Variants in CHPT1 observed in about 807,000 individuals in gnomAD.
CHPT1 encodes cholinephosphotransferase 1.
CHPT1 carries 36 observed loss-of-function variants against 47.6 expected under a neutral mutation model. The ratio of observed to expected loss-of-function variants is 0.76; its 90% CI spans 0.58 to 1.00. The LOEUF (loss-of-function observed/expected upper bound fraction) is 1.00. Ranked by LOEUF, CHPT1 falls within the 50% of genes least tolerant of loss-of-function variation. The pLI, the probability that CHPT1 is intolerant of heterozygous loss-of-function variation, is 0.00. For missense variants in CHPT1, 458 were observed against 498.1 expected, an observed-to-expected ratio of 0.92 and a Z score of 0.77; for synonymous variants, 194 against 186.3, an observed-to-expected ratio of 1.04 and a Z score of -0.33.
intron 1 of CHPT1, among the ~76,000 whole-genome samples, chr12:101,705,088 T>C (rs1407562316): frequency 8.2e-6 from 1 of 122,668 alleles, no homozygotes; most frequent in Non-Finnish European, 1.6e-5. Flanking sequence ...ATTGCTTTTT[T>C]GTTTTGTTTG....
intron 8 of CHPT1, chr12:101,727,086 G>A (rs1951965854): frequency 6.6e-6 from 1 of 152,122 alleles, no homozygotes; most frequent in South Asian, 2.1e-4. Flanking sequence ...GATATTTTGA[G>A]TTAAAATTTC....
chr12:101,728,788 AAGGGAGGTCTTACAATG>A, intron 8 of CHPT1, 96 bp from the exon 9 acceptor site: 1 of 1,222,344 alleles, frequency 8.2e-7, no homozygotes, highest in South Asian at 1.4e-5. Context: ...ACTTAACAGA[AAGGGAGGTCTTACAATG>A]AAACAGGTTT....
Position 101,723,814 on chromosome 12 carries a change from T to C in CHPT1, c.1032T>C (p.Phe344=), listed in dbSNP as rs746714890. Reference sequence around the variant, plus strand: ...TTTTAGACCAGTACTTTAATAACTTTATAGACGAATATGTTGTTCTATGGA... The same window carrying C: ...TTTTAGACCAGTACTTTAATAACTTCATAGACGAATATGTTGTTCTATGGA... ...LLFLDQYFNN[F]IDEYVVLWMA... Residue 344 remains phenylalanine, a synonymous_variant, in exon 7 of 9, where the codon TTT becomes TTC. Transcript: ENST00000229266. 3.9e-6 allele frequency: 6 copies of C among 1,526,502 alleles called. No homozygotes were observed. In the Admixed American group the frequency reaches 5.2e-5, roughly 13 times the overall value. The allele number at this position is 1,526,502 out of a possible 1,614,324, so 94.6% of individuals were successfully genotyped here.
chr12:101,699,392 T>G (rs1331555839), intron 1 of CHPT1, among the ~76,000 whole-genome samples: 1 of 14,204 alleles, frequency 7.0e-5, no homozygotes, highest in Non-Finnish European at 1.5e-4. Flanking sequence ...ATTTCTTTTC[T>G]TTTTTTTTTT....
chr12:101,716,602 G>T, intron 3 of CHPT1, 126 bp from the exon 4 acceptor site: 1 of 560,664 alleles, frequency 1.8e-6, no homozygotes, highest in Non-Finnish European at 3.1e-6. Flanking sequence ...AATAATGGAA[G>T]TAAAGGTAAA....
chr12:101,716,595 A>C, intron 3 of CHPT1, 133 bp from the exon 4 acceptor site: 1 of 549,750 alleles, frequency 1.8e-6, no homozygotes, highest in South Asian at 2.8e-5. Context: ...ATAATTCAAT[A>C]ATGGAAGTAA....
At chr12:101,724,939 T>A (rs1398997192) in intron 7 of CHPT1, among the ~76,000 whole-genome samples, 2 of 152,184 alleles carry the variant, frequency 1.3e-5, no homozygotes, top group Non-Finnish European at 2.9e-5. Flanking sequence ...TAATGGTGGC[T>A]TTGAATAGTT....
chr12:101,728,644 A>G (rs1440185386), intron 8 of CHPT1: 1 of 386,422 alleles, frequency 2.6e-6, no homozygotes, highest in Non-Finnish European at 4.6e-6. Flanking sequence ...AATGAAGCCA[A>G]ACCTAAAATT....
At chr12:101,698,212 A>G in intron 1 of CHPT1, 78 bp downstream of exon 1, 2 of 1,356,638 alleles carry the variant, frequency 1.5e-6, no homozygotes, top group South Asian at 1.7e-5. Flanking sequence ...GGAAGGGCGG[A>G]CCCACGCGCG....
At position 101,697,870 on chromosome 12, in the gene CHPT1, A is replaced by AGGCGCC; in HGVS notation, c.12_17dup (p.Ala7_Gly8dup). 2 of 1,184,446 alleles carry AGGCGCC rather than the reference A, an allele frequency of 1.7e-6. No homozygotes were observed. Among genetic ancestry groups the AGGCGCC allele is most frequent in the African/African-American group, 1.6e-5 (1 of 62,378 alleles). 73.4% of individuals were successfully genotyped at this position (1,184,446 alleles called of 1,614,324 possible). The stretch of plus-strand genomic sequence containing the variant: ...GGGGCCCTCAGGCGGCCATGGCGGC[A>AGGCGCC]GGCGCCGGGGCCGGGTCCGCGCCGC... On this transcript the variant is annotated inframe_insertion, in exon 1 of 9. Coordinates refer to ENST00000229266, the MANE Select transcript of CHPT1 (RefSeq NM_020244.3).
intron 4 of CHPT1, among the ~76,000 whole-genome samples, chr12:101,718,223 G>A (rs972276837): frequency 1.4e-4 from 21 of 152,270 alleles, no homozygotes; most frequent in African/African-American, 4.8e-4. Flanking sequence ...ATTCGTCATA[G>A]CACACAGAAT....
chr12:101,713,998 G>A (rs1951729855), intron 1 of CHPT1, 92 bp from the exon 2 acceptor site: 3 of 703,306 alleles, frequency 4.3e-6, no homozygotes, highest in Admixed American at 2.6e-5. Flanking sequence ...TATAACACAC[G>A]GGGTGCTACA....
intron 3 of CHPT1, among the ~76,000 whole-genome samples, chr12:101,715,809 G>T (rs908465602): frequency 6.6e-6 from 1 of 152,142 alleles, no homozygotes; most frequent in Admixed American, 6.5e-5. Context: ...AGGAAGGAGC[G>T]TGAGAAGAGC....
chr12:101,709,698 T>C (rs577622990), intron 1 of CHPT1, among the ~76,000 whole-genome samples: 1 of 149,008 alleles, frequency 6.7e-6, no homozygotes, highest in Admixed American at 6.8e-5. Context: ...ATTGTGCCTT[T>C]CTGGGTTTAA....
rs1284963213 is a variant in CHPT1, at chr12:101,714,604, T to A, written c.522T>A (p.Ala174=). 1.9e-6 allele frequency: 3 copies of A among 1,611,516 alleles called. No homozygotes were observed. Among genetic ancestry groups the A allele is most frequent in the Non-Finnish European group, 2.5e-6 (3 of 1,178,948 alleles). ...SFIGMFVFYC[A]HWQTYVSGML... Reference sequence around the variant, plus strand: ...TTGGGATGTTTGTGTTTTATTGCGCTCATTGGCAGACTTATGTTTCAGGCA... The same window carrying A: ...TTGGGATGTTTGTGTTTTATTGCGCACATTGGCAGACTTATGTTTCAGGCA... The change falls in exon 3 of 9, where the codon GCT becomes GCA. Residue 174 remains alanine (A), a synonymous_variant. Coordinates refer to ENST00000229266, the MANE Select transcript of CHPT1 (RefSeq NM_020244.3).
intron 4 of CHPT1, among the ~76,000 whole-genome samples, chr12:101,718,543 C>G (rs1341418626): frequency 6.6e-6 from 1 of 151,808 alleles, no homozygotes; most frequent in African/African-American, 2.4e-5. Flanking sequence ...ACCTGTAGTC[C>G]CAGCTACTCA....
At chr12:101,711,970 A>G (rs919195680) in intron 1 of CHPT1, among the ~76,000 whole-genome samples, 2 of 148,812 alleles carry the variant, frequency 1.3e-5, no homozygotes, top group African/African-American at 4.9e-5. Context: ...ATTGTTTCAC[A>G]GTTTCCAAGA....
In CHPT1 at chr12:101,697,996, G is replaced by C; in HGVS notation, c.135G>C (p.Pro45=). The C allele has an allele frequency of 6.4e-7, 1 of 1,559,018 alleles. No homozygotes were observed. The highest frequency in any genetic ancestry group is 8.6e-7 in the Non-Finnish European group (1 of 1,163,470). The change falls in exon 1 of 9, where the codon CCG becomes CCC. Residue 45 remains proline (P), a synonymous_variant. Coordinates refer to ENST00000229266, the MANE Select transcript of CHPT1 (RefSeq NM_020244.3). ...CGGGCGTCTCGCTGCTCGAGCCGCCGCTGCAGCTCTACTGGACCTGGCTGC... is the reference window on the plus strand; with the variant it reads ...CGGGCGTCTCGCTGCTCGAGCCGCCCCTGCAGCTCTACTGGACCTGGCTGC... ...SAAGVSLLEP[P]LQLYWTWLLQ...
intron 1 of CHPT1, among the ~76,000 whole-genome samples, chr12:101,703,592 A>AG (rs1182504773): frequency 1.3e-5 from 2 of 152,204 alleles, no homozygotes; most frequent in African/African-American, 2.4e-5. Flanking sequence ...GTGAGCCCCT[A>AG]GGGCCTTCCT....
Sources: gnomAD v4.1 joint callset for allele counts (sites outside exome capture counted in the v4.1 genomes callset) on GRCh38, gnomAD v4.1.1 for gene constraint, MANE v1.5 for transcripts, NCBI Gene and HGNC (gene_info 2026-07-23, HGNC 2026-07-21) for gene names.